HAPLN1: variants seen among roughly 807,000 people sequenced by gnomAD.
HAPLN1 encodes hyaluronan and proteoglycan link protein 1.
A neutral mutation model predicts 36.5 loss-of-function variants in HAPLN1; 13 were observed. The observed-to-expected ratio is 0.36, with a 90% CI of 0.23 to 0.57. The LOEUF is 0.57. Among genes scored for constraint, HAPLN1 ranks in the 20% least tolerant of loss-of-function variants. The probability of loss-of-function intolerance (pLI) is 0.83; values close to 1 mark genes in which losing one functional copy is unlikely to be tolerated. For synonymous variants in HAPLN1, 202 were observed against 169.8 expected (o/e 1.19, Z -1.48); for missense variants, 407 against 439.7 (o/e 0.93, Z 0.66).
chr5:83,654,295 A>T (rs561720870), intron 2 of HAPLN1, among the ~76,000 whole-genome samples: 43 of 152,352 alleles, frequency 2.8e-4, no homozygotes, highest in African/African-American at 9.4e-4. Flanking sequence ...AAATGCGAGG[A>T]TAATGGCTTC....
At chr5:83,690,562 A>G (rs1009137387) in intron 1 of HAPLN1, among the ~76,000 whole-genome samples, 2 of 151,954 alleles carry the variant, frequency 1.3e-5, no homozygotes, top group African/African-American at 2.4e-5. Context: ...TGTTAATTCT[A>G]TTTTCACAGA....
chr5:83,718,822 A>G (rs1751965969), intron 1 of HAPLN1, among the ~76,000 whole-genome samples: 1 of 152,230 alleles, frequency 6.6e-6, no homozygotes, highest in South Asian at 2.1e-4. Context: ...TGGGGCAAAA[A>G]GAAATGAAAA....
At chr5:83,671,054 A>G (rs909493270) in intron 2 of HAPLN1, among the ~76,000 whole-genome samples, 5 of 152,042 alleles carry the variant, frequency 3.3e-5, no homozygotes, top group Non-Finnish European at 7.4e-5. Context: ...CTATATCTCT[A>G]TAAAACCTCC....
At chr5:83,704,801 A>G (rs1751590666) in intron 1 of HAPLN1, among the ~76,000 whole-genome samples, 1 of 152,234 alleles carries the variant, frequency 6.6e-6, no homozygotes, top group Non-Finnish European at 1.5e-5. Context: ...CAACATAGTA[A>G]TAGTGGGACA....
intron 3 of HAPLN1, among the ~76,000 whole-genome samples, chr5:83,645,456 TTC>T (rs1338607190): frequency 2.4e-5 from 3 of 125,586 alleles, no homozygotes; most frequent in East Asian, 4.5e-4. Flanking sequence ...TTTTGTGATT[TTC>T]TTTTTTCTTT....
chr5:83,683,482 T>C (rs1751051191), intron 1 of HAPLN1, among the ~76,000 whole-genome samples: 2 of 152,164 alleles, frequency 1.3e-5, no homozygotes, highest in Admixed American at 1.3e-4. Flanking sequence ...CATGAGCAAT[T>C]ACATAAAAGA....
chr5:83,708,117 A>C (rs1313911448), intron 1 of HAPLN1, among the ~76,000 whole-genome samples: 3 of 152,240 alleles, frequency 2.0e-5, no homozygotes, highest in Non-Finnish European at 2.9e-5. Context: ...GTTGGAGGGA[A>C]TGTAAGTTAG....
intron 3 of HAPLN1, among the ~76,000 whole-genome samples, chr5:83,646,377 C>T (rs1449813550): frequency 1.3e-5 from 2 of 152,190 alleles, no homozygotes; most frequent in African/African-American, 4.8e-5. Flanking sequence ...TATGAGACTG[C>T]AGACGCTATT....
chr5:83,663,038 G>A (rs1750450552), intron 2 of HAPLN1, among the ~76,000 whole-genome samples: 1 of 152,322 alleles, frequency 6.6e-6, no homozygotes. Context: ...CAAAAGGCAA[G>A]TCAAACACAA....
chr5:83,672,178 A>G (rs1750744656), intron 2 of HAPLN1, among the ~76,000 whole-genome samples: 2 of 152,218 alleles, frequency 1.3e-5, no homozygotes, highest in South Asian at 4.1e-4. Context: ...CATTGGGTAT[A>G]AAACTGGTAT....
chr5:83,670,469 T>A (rs76961194), intron 2 of HAPLN1, among the ~76,000 whole-genome samples: 1,625 of 152,236 alleles, frequency 0.011, 25 homozygotes, highest in African/African-American at 0.037. Context: ...TGTGGACAAA[T>A]GAAGTTTGCT....
At chr5:83,718,073 C>T (rs2112644605) in intron 1 of HAPLN1, among the ~76,000 whole-genome samples, 1 of 152,306 alleles carries the variant, frequency 6.6e-6, no homozygotes, top group East Asian at 1.9e-4. Flanking sequence ...AGTCCTTGAA[C>T]AATTCCATGA....
At chr5:83,668,486 C>T (rs957134700) in intron 2 of HAPLN1, among the ~76,000 whole-genome samples, 1 of 152,204 alleles carries the variant, frequency 6.6e-6, no homozygotes. Context: ...CAATCGCTAC[C>T]AAAGTCCTTT....
At position 83,648,685 on chromosome 5, in the gene HAPLN1, A is replaced by G. The variant is rs145855520; in HGVS notation, c.472+3768T>C. ...CAGCTCAGTCAAGGCATTTAAAATGAGATGCTTCCCTGGCCCTTTGGTGCA... is the reference window on the plus strand; with the variant it reads ...CAGCTCAGTCAAGGCATTTAAAATGGGATGCTTCCCTGGCCCTTTGGTGCA... On this transcript the variant is annotated intron_variant, in intron 3 of 4. Transcript: ENST00000274341. 2.0e-3 allele frequency among the ~76,000 whole-genome samples: 310 copies of G among 152,130 alleles called. 7 individuals are homozygous for G. Among genetic ancestry groups the G allele is most frequent in the African/African-American group, 7.0e-3 (289 of 41,508 alleles).
intron 1 of HAPLN1, among the ~76,000 whole-genome samples, chr5:83,705,058 C>G (rs1751606167): frequency 6.6e-6 from 1 of 152,150 alleles, no homozygotes; most frequent in South Asian, 2.1e-4. Context: ...CAAACACACT[C>G]TCAGACGATA....
rs780377189 is a variant in HAPLN1, at chr5:83,673,384, A to C, written c.100+40T>G. ...AGCATCTCAACTCTAAGTAACTTAAAATTAATTAGGCTTTGATAAGAGAAG... is the reference window on the plus strand; with the variant it reads ...AGCATCTCAACTCTAAGTAACTTAACATTAATTAGGCTTTGATAAGAGAAG... On this transcript the variant is annotated intron_variant, in intron 2 of 4. Coordinates refer to ENST00000274341, the MANE Select transcript of HAPLN1 (RefSeq NM_001884.4). 2.1e-6 allele frequency: 3 copies of C among 1,400,702 alleles called. No individual in the cohort carries two copies. The Admixed American group carries it at 6.5e-5, about 30-fold the overall frequency. 86.8% of individuals were successfully genotyped at this position (1,400,702 alleles called of 1,614,324 possible).
intron 1 of HAPLN1, among the ~76,000 whole-genome samples, chr5:83,707,889 T>C (rs1318244054): frequency 6.6e-6 from 1 of 152,156 alleles, no homozygotes; most frequent in Non-Finnish European, 1.5e-5. Flanking sequence ...CAATCCCATT[T>C]AAAAGTGGGC....
chr5:83,655,695 T>C (rs118029328), intron 2 of HAPLN1, among the ~76,000 whole-genome samples: 1 of 130,674 alleles, frequency 7.7e-6, no homozygotes, highest in East Asian at 2.2e-4. Flanking sequence ...TTTGTTTGCT[T>C]TTAGAAGATC....
intron 3 of HAPLN1, among the ~76,000 whole-genome samples, chr5:83,650,632 C>CTT (rs5869195): frequency 1.8e-4 from 19 of 103,720 alleles, no homozygotes; most frequent in Admixed American, 3.2e-4. Context: ...AAATTCTTTT[C>CTT]TTTTTTTTTT....
Sources: gnomAD v4.1 joint callset for allele counts (sites outside exome capture counted in the v4.1 genomes callset) on GRCh38, gnomAD v4.1.1 for gene constraint, MANE v1.5 for transcripts, NCBI Gene and HGNC (gene_info 2026-07-23, HGNC 2026-07-21) for gene names.